Variants in DMD observed in about 807,000 individuals in gnomAD.
DMD encodes mutant dystrophin.
In DMD, 63 loss-of-function variants were observed where a neutral mutation model predicts 330.1. The ratio of observed to expected loss-of-function variants is 0.19; its 90% CI spans 0.16 to 0.24. The LOEUF (loss-of-function observed/expected upper bound fraction) is 0.24, where lower values mean the gene tolerates loss of function less well. Ranked by LOEUF, DMD falls within the 10% of genes least tolerant of loss-of-function variation. The probability of loss-of-function intolerance (pLI) is 1.00; values close to 1 mark genes in which losing one functional copy is unlikely to be tolerated. For synonymous variants in DMD, 1,223 were observed against 959.8 expected (o/e 1.27, Z -5.07); for missense variants, 3,344 against 2,684.1 (o/e 1.25, Z -5.43).
At chrX:32,815,150 C>A (rs901346024) in intron 6 of DMD, among the ~76,000 whole-genome samples, 1 of 110,581 alleles carries the variant, frequency 9.0e-6, no homozygotes, top group South Asian at 3.9e-4. Context: ...GAAACCCAGT[C>A]GGGATGGGGT....
chrX:32,383,349 A>T (rs1055860098), intron 33 of DMD, among the ~76,000 whole-genome samples: 1 of 111,297 alleles, frequency 9.0e-6, no homozygotes, highest in Non-Finnish European at 1.9e-5. Flanking sequence ...GGCAGACACA[A>T]CCATATAAAT....
chrX:31,725,032 C>G (rs1011633530), intron 52 of DMD, among the ~76,000 whole-genome samples: 2 of 111,765 alleles, frequency 1.8e-5, no homozygotes, highest in African/African-American at 6.5e-5. Flanking sequence ...GAGGTTAGTC[C>G]TAATATTTTA....
chrX:33,075,601 G>A (rs1171786312), intron 1 of DMD, among the ~76,000 whole-genome samples: 2 of 112,365 alleles, frequency 1.8e-5, no homozygotes, highest in Admixed American at 9.4e-5. Flanking sequence ...AACAGCAAAT[G>A]AATTAATACC....
intron 55 of DMD, among the ~76,000 whole-genome samples, chrX:31,519,489 G>A (rs774679570): frequency 9.0e-6 from 1 of 111,361 alleles, no homozygotes; most frequent in Non-Finnish European, 1.9e-5. Context: ...TAATTATTAG[G>A]GTTGTAAATG....
At chrX:33,305,118 G>A (rs1287630130) in intron 1 of DMD, among the ~76,000 whole-genome samples, 175 of 109,265 alleles carry the variant, frequency 1.6e-3, no homozygotes, top group Non-Finnish European at 2.4e-3. Flanking sequence ...ACATGCACAC[G>A]TATGTTCATT....
chrX:32,048,769 C>T (rs977866561), intron 44 of DMD, among the ~76,000 whole-genome samples: 1 of 111,153 alleles, frequency 9.0e-6, no homozygotes, highest in Admixed American at 9.7e-5. Flanking sequence ...GGCTGATTGA[C>T]TAGTATTGGT....
intron 50 of DMD, among the ~76,000 whole-genome samples, chrX:31,774,592 A>G (rs1326542423): frequency 9.0e-6 from 1 of 111,099 alleles, no homozygotes; most frequent in East Asian, 2.8e-4. Flanking sequence ...TTTATTCAAG[A>G]AAAAACAAAG....
chrX:32,644,918 A>G, intron 10 of DMD, 46 bp downstream of exon 10: 1 of 1,182,422 alleles, frequency 8.5e-7, no homozygotes, highest in Non-Finnish European at 1.2e-6. Flanking sequence ...ACTTGCCATT[A>G]TAACAAGTCA....
intron 1 of DMD, among the ~76,000 whole-genome samples, chrX:33,267,519 C>T (rs916724207): frequency 3.2e-5 from 2 of 63,045 alleles, no homozygotes; most frequent in African/African-American, 8.1e-5. Flanking sequence ...TCATATGCAA[C>T]CAAAAAAAAA....
At chrX:32,247,608 G>T (rs913456526) in intron 43 of DMD, among the ~76,000 whole-genome samples, 11 of 110,602 alleles carry the variant, frequency 9.9e-5, no homozygotes, top group African/African-American at 3.3e-4. Context: ...CCATTATCTG[G>T]ATAATTTCTC....
chrX:33,127,187 C>T (rs2095470380), intron 1 of DMD, among the ~76,000 whole-genome samples: 1 of 110,175 alleles, frequency 9.1e-6, no homozygotes, highest in Admixed American at 9.8e-5. Context: ...GAAAAAAAAA[C>T]TAGCTGTCTT....
chrX:32,889,490 A>C (rs373477859), intron 2 of DMD, among the ~76,000 whole-genome samples: 14 of 110,593 alleles, frequency 1.3e-4, no homozygotes, highest in African/African-American at 4.6e-4. Flanking sequence ...CTAAGCCATC[A>C]TATCCCCTGT....
intron 44 of DMD, among the ~76,000 whole-genome samples, chrX:32,060,168 A>G (rs1422300064): frequency 9.0e-6 from 1 of 111,591 alleles, no homozygotes; most frequent in African/African-American, 3.3e-5. Flanking sequence ...TTTACTGATG[A>G]CCCTAGAAAA....
At chrX:31,975,303 G>A (rs948471183) in intron 44 of DMD, among the ~76,000 whole-genome samples, 1 of 111,636 alleles carries the variant, frequency 9.0e-6, no homozygotes, top group African/African-American at 3.3e-5. Flanking sequence ...GAAAACTGTT[G>A]TTACAAAGTA....
At position 32,297,275 on chromosome X, in the gene DMD, T is replaced by A. The variant is rs5927959; in HGVS notation, c.6118-9574A>T. Among the ~76,000 whole-genome samples the A allele has an allele frequency of 2.2e-4, 17 of 78,027 alleles. No individual in the cohort carries two copies. In the East Asian group the frequency reaches 4.9e-3, roughly 22 times the overall value. The allele number at this position is 78,027 out of a possible 115,157, so 67.8% of individuals were successfully genotyped here. A position where few individuals can be genotyped will look rare whatever the true frequency, so the allele number is the denominator to read the frequency against. On this transcript the variant is annotated intron_variant, in intron 42 of 78. Transcript: ENST00000357033. ...TATTTATTTATTTATTTATTTATTATTTATTTATTTATTTTGGAGACAGAG... is the reference window on the plus strand; with the variant it reads ...TATTTATTTATTTATTTATTTATTAATTATTTATTTATTTTGGAGACAGAG...
In DMD at chrX:33,009,908, A is replaced by ATGTGTATATGTGTGTATACACATG. The variant is rs2093621011; in HGVS notation, c.93+10207_93+10230dup. ...CACACATATGTGTATATGTGTGTAT[A>ATGTGTATATGTGTGTATACACATG]TGTGTATATGTGTGTATACACATGT... On this transcript the variant is annotated intron_variant, in intron 2 of 78. Coordinates refer to ENST00000357033, the MANE Select transcript of DMD (RefSeq NM_004006.3). Among the ~76,000 whole-genome samples, 3 of 58,220 alleles carry ATGTGTATATGTGTGTATACACATG rather than the reference A, an allele frequency of 5.2e-5. 1 individual carries two copies. In the East Asian group the frequency reaches 2.3e-3, roughly 45 times the overall value. 50.6% of individuals were successfully genotyped at this position (58,220 alleles called of 115,157 possible).
chrX:32,408,342 G>A (rs373251944), intron 30 of DMD, among the ~76,000 whole-genome samples: 2 of 111,398 alleles, frequency 1.8e-5, no homozygotes, highest in Admixed American at 9.6e-5. Flanking sequence ...ACACACTAAG[G>A]AAGTGAGCAG....
intron 47 of DMD, among the ~76,000 whole-genome samples, chrX:31,926,179 C>T (rs1380884677): frequency 3.6e-5 from 4 of 111,239 alleles, no homozygotes; most frequent in African/African-American, 1.3e-4. Flanking sequence ...GTGGCTCTTA[C>T]GGGTATCATT....
chrX:33,036,100 G>A (rs1420564869), intron 1 of DMD, among the ~76,000 whole-genome samples: 2 of 109,769 alleles, frequency 1.8e-5, no homozygotes, highest in African/African-American at 6.8e-5. Context: ...TAATTAGTAT[G>A]ATGCTTTAGG....
Sources: gnomAD v4.1 joint callset for allele counts (sites outside exome capture counted in the v4.1 genomes callset) on GRCh38, gnomAD v4.1.1 for gene constraint, MANE v1.5 for transcripts, NCBI Gene and HGNC (gene_info 2026-07-23, HGNC 2026-07-21) for gene names.